Variants in POLR3A observed in about 807,000 individuals in gnomAD.
The protein encoded by POLR3A is RNA polymerase III subunit A, also known as DNA-directed RNA polymerase III subunit RPC1.
In POLR3A, 112 loss-of-function variants were observed where a neutral mutation model predicts 152.8. The observed-to-expected ratio is 0.73, with a 90% CI of 0.63 to 0.86. The LOEUF (loss-of-function observed/expected upper bound fraction) is 0.86. Among genes scored for constraint, POLR3A ranks in the 40% least tolerant of loss-of-function variants. The probability of loss-of-function intolerance (pLI) is 0.00; values close to 1 mark genes in which losing one functional copy is unlikely to be tolerated. For synonymous variants in POLR3A, 615 were observed against 652.1 expected (o/e 0.94, Z 0.87); for missense variants, 1,385 against 1,743.1 (o/e 0.79, Z 3.66).
intron 5 of POLR3A, among the ~76,000 whole-genome samples, chr10:78,023,982 A>G (rs979987121): frequency 2.6e-5 from 4 of 152,064 alleles, no homozygotes; most frequent in Non-Finnish European, 5.9e-5. Context: ...AATTAAAAAC[A>G]AAAGCAAAAA....
chr10:77,977,433 C>T lies in POLR3A; in HGVS notation c.*45G>A, dbSNP rs952090251. ...AAACTCTTTATACATCAGCTGGAGA[C>T]AGGACAAGGAGTCAAGGTCAGGCAT... On this transcript the variant is annotated 3_prime_UTR_variant, in exon 31 of 31. Coordinates refer to ENST00000372371, the MANE Select transcript of POLR3A (RefSeq NM_007055.4). The T allele has an allele frequency of 6.2e-7, 1 of 1,603,384 alleles. No homozygotes were observed. The highest frequency in any genetic ancestry group is 8.5e-7 in the Non-Finnish European group (1 of 1,170,844).
At chr10:77,996,238 C>T (rs1373736544) in intron 19 of POLR3A, among the ~76,000 whole-genome samples, 3 of 152,086 alleles carry the variant, frequency 2.0e-5, no homozygotes, top group Non-Finnish European at 4.4e-5. Flanking sequence ...ACCCTAACAT[C>T]ACAATTAAAA....
chr10:78,001,181 T>C (rs1365997124), intron 17 of POLR3A, 87 bp from the exon 18 acceptor site: 3 of 726,430 alleles, frequency 4.1e-6, no homozygotes, highest in Non-Finnish European at 5.1e-6. Context: ...AAAACAGGAA[T>C]AGGCCCTTAT....
rs146957784 is a variant in POLR3A at position 78,001,074 on chromosome 10, G to A, written c.2380C>T (p.Gln794Ter). 6 of 1,604,284 alleles carry A rather than the reference G, an allele frequency of 3.7e-6. No homozygotes were observed. Among genetic ancestry groups the A allele is most frequent in the African/African-American group, 2.7e-5 (2 of 74,716 alleles). ...TGCTGTCCCACACAGGCAATCATCT[G>A]TGATATGTTAATGAAGGAACCTGGG... ...GSKGSFINIS[Q>*]MIACVGQQAI... Residue 794 changes from glutamine (Q) to a stop codon, truncating the protein, a stop_gained, in exon 18 of 31, where the codon CAG becomes TAG. Transcript: ENST00000372371. LOFTEE classifies it high-confidence loss of function.
In POLR3A at chr10:77,982,249, TCTC is replaced by T. The variant is rs1423813960; in HGVS notation, c.3661_3663del (p.Glu1221del). On this transcript the variant is annotated inframe_deletion, in exon 28 of 31. Coordinates refer to ENST00000372371, the MANE Select transcript of POLR3A (RefSeq NM_007055.4). ...TCACCTTCCACCAGAAGCTTGTACT[TCTC>T]CTTTCCACTCTGCTCGTCAATGTGG... 37 of 1,613,768 alleles carry T rather than the reference TCTC, an allele frequency of 2.3e-5. No homozygotes were observed. The highest frequency in any genetic ancestry group is 3.0e-5 in the Non-Finnish European group (35 of 1,179,924).
rs779818287 is a variant in POLR3A at position 78,002,333 on chromosome 10, G to C, written c.2248-25C>G. 7.1e-6 allele frequency: 10 copies of C among 1,402,058 alleles called. No homozygotes were observed. In the East Asian group the frequency reaches 9.5e-5, roughly 13 times the overall value. The allele number at this position is 1,402,058 out of a possible 1,614,324, so 86.9% of individuals were successfully genotyped here. A position where few individuals can be genotyped will look rare whatever the true frequency, so the allele number is the denominator to read the frequency against. On this transcript the variant is annotated intron_variant, in intron 16 of 30. Transcript: ENST00000372371. ...CCTAGTGGGAGAAAAGGAGATCCTT[G>C]GTGGGTTGTCCTCATTGTCTCTGTG...
At chr10:78,011,184 T>C (rs2131950598) in intron 11 of POLR3A, among the ~76,000 whole-genome samples, 1 of 152,232 alleles carries the variant, frequency 6.6e-6, no homozygotes, top group Admixed American at 6.5e-5. Flanking sequence ...CCAAAGAAAA[T>C]TCATTTCTGT....
chr10:78,000,630 G>C (rs923895620), intron 18 of POLR3A, among the ~76,000 whole-genome samples: 1 of 152,208 alleles, frequency 6.6e-6, no homozygotes, highest in Non-Finnish European at 1.5e-5. Context: ...TGAACTGTGT[G>C]CCTTACATGG....
intron 11 of POLR3A, 41 bp from the exon 12 acceptor site, chr10:78,010,581 T>C (rs1280689811): frequency 7.1e-7 from 1 of 1,401,556 alleles, no homozygotes; most frequent in Non-Finnish European, 1.0e-6. Flanking sequence ...TGTTCTCGGA[T>C]GCATGATGCA....
At chr10:77,995,987 A>G (rs1847296672) in intron 19 of POLR3A, among the ~76,000 whole-genome samples, 1 of 152,222 alleles carries the variant, frequency 6.6e-6, no homozygotes, top group African/African-American at 2.4e-5. Context: ...CAATCAAACT[A>G]GAACTCAGGA....
chr10:78,017,841 T>C (rs1032791392), intron 9 of POLR3A, 125 bp from the exon 10 acceptor site: 6 of 1,108,942 alleles, frequency 5.4e-6, no homozygotes, highest in Non-Finnish European at 6.7e-6. Context: ...TCCATTTTAA[T>C]GTCATATAGT....
At chr10:78,013,842 A>C in intron 10 of POLR3A, 52 bp from the exon 11 acceptor site, 1 of 1,612,008 alleles carries the variant, frequency 6.2e-7, no homozygotes, top group Non-Finnish European at 8.5e-7. Flanking sequence ...GCATTTATCC[A>C]AAAGCTTCTC....
At chr10:78,019,576 A>C in intron 8 of POLR3A, 1 of 410,422 alleles carries the variant, frequency 2.4e-6, no homozygotes, top group Non-Finnish European at 4.5e-6. Context: ...GTGATCCTAG[A>C]AACAGGTGGC....
Position 78,024,678 on chromosome 10 carries a change from C to T in POLR3A, c.516G>A (p.Leu172=), listed in dbSNP as rs1289240878. The change falls in exon 5 of 31, where the codon CTG becomes CTA. Residue 172 remains leucine (L), a synonymous_variant. Transcript: ENST00000372371. ...FNGTVKKCGL[L]KIIHEKYKTN... is the part of the protein sequence containing the mutation. Reference sequence around the variant, plus strand: ...TCTTGTATTTCTCATGAATTATTTTCAGCAGTCCACACTTCTTTACGGTAC... The same window carrying T: ...TCTTGTATTTCTCATGAATTATTTTTAGCAGTCCACACTTCTTTACGGTAC... The T allele has an allele frequency of 2.5e-6, 4 of 1,613,770 alleles. No individual in the cohort carries two copies. Among genetic ancestry groups the T allele is most frequent in the South Asian group, 2.2e-5 (2 of 91,082 alleles).
At chr10:77,994,507 A>G in intron 19 of POLR3A, among the ~76,000 whole-genome samples, 1 of 152,024 alleles carries the variant, frequency 6.6e-6, no homozygotes, top group Non-Finnish European at 1.5e-5. Context: ...TTAAAAAAAA[A>G]AAAAAAGCAG....
In POLR3A at chr10:77,982,662, A is replaced by G. The variant is rs760598890; in HGVS notation, c.3585T>C (p.Asp1195=). ...MYYVLQFLKE[D]LPKVVVQGIP... The stretch of plus-strand genomic sequence containing the variant: ...GCGACTTCTGTTTCACCTTGGGGAG[A>G]TCCTCTTTCAGGAACTGCAGCACGT... Residue 1195 remains aspartate (D), a synonymous_variant, in exon 27 of 31, where the codon GAT becomes GAC. Transcript: ENST00000372371. 3.0e-5 allele frequency: 49 copies of G among 1,612,866 alleles called. No individual in the cohort carries two copies. The highest frequency in any genetic ancestry group is 8.3e-5 in the Admixed American group (5 of 59,982).
chr10:78,002,345 T>C, intron 16 of POLR3A, 37 bp from the exon 17 acceptor site: 1 of 1,267,880 alleles, frequency 7.9e-7, no homozygotes, highest in Non-Finnish European at 1.1e-6. Flanking sequence ...TGGGTTGTCC[T>C]CATTGTCTCT....
At position 78,009,854 on chromosome 10, in the gene POLR3A, C is replaced by T. The variant is rs1400809272; in HGVS notation, c.1770+10G>A. On this transcript the variant is annotated intron_variant, in intron 13 of 30. Coordinates refer to ENST00000372371, the MANE Select transcript of POLR3A (RefSeq NM_007055.4). Reference sequence around the variant, plus strand: ...ACACCTGTGCACCAACACACAACTCCCACACACACCTTTAGGATTGTAGGC... The same window carrying T: ...ACACCTGTGCACCAACACACAACTCTCACACACACCTTTAGGATTGTAGGC... 1 of 1,613,844 alleles carries T rather than the reference C, an allele frequency of 6.2e-7. No homozygotes were observed. Among genetic ancestry groups the T allele is most frequent in the Non-Finnish European group, 8.5e-7 (1 of 1,179,952 alleles).
Position 78,009,665 on chromosome 10 carries a change from A to G in POLR3A, c.1781T>C (p.Leu594Pro). ...PPPTILKPVT[L>P]WTGKQIFSVI... ...ACTGAAGATCTGCTTTCCCGTCCAC[A>G]GGGTGACAGGCTGAGGGGGGGAGGA... The change falls in exon 14 of 31, where the codon CTG becomes CCG. Residue 594 changes from leucine to proline, a missense_variant. By Grantham distance (98) the Leu-to-Pro change is moderately conservative. This residue lies in a region of POLR3A where 188 missense variants were observed against 179.9 expected (regional missense o/e 1.04). Coordinates refer to ENST00000372371, the MANE Select transcript of POLR3A (RefSeq NM_007055.4). 1 of 1,614,134 alleles carries G rather than the reference A, an allele frequency of 6.2e-7. No homozygotes were observed. The highest frequency in any genetic ancestry group is 8.5e-7 in the Non-Finnish European group (1 of 1,180,026).
Sources: allele counts gnomAD v4.1 joint callset (sites outside exome capture counted in the v4.1 genomes callset), GRCh38; gene constraint gnomAD v4.1.1; regional missense constraint gnomAD v4.1.1; transcripts MANE v1.5; gene names NCBI Gene and HGNC (gene_info 2026-07-23, HGNC 2026-07-21).